CMPK2: variants seen among roughly 807,000 people sequenced by gnomAD.
CMPK2 encodes the protein cytidine/uridine monophosphate kinase 2, also known as UMP-CMP kinase 2, mitochondrial.
In CMPK2, 32 loss-of-function variants were observed where a neutral mutation model predicts 33.4. The observed-to-expected ratio is 0.96, with a 90% CI of 0.72 to 1.29. The LOEUF (loss-of-function observed/expected upper bound fraction) is 1.29. CMPK2 is among the 50% of genes most tolerant of loss of function. The probability of loss-of-function intolerance (pLI) is 0.00; values close to 1 mark genes in which losing one functional copy is unlikely to be tolerated. For synonymous variants in CMPK2, 299 were observed against 275.3 expected (o/e 1.09, Z -0.85); for missense variants, 672 against 616.0 (o/e 1.09, Z -0.96).
chr2:6,864,851 T>C (rs1572145778), intron 1 of CMPK2, among the ~76,000 whole-genome samples, 171 bp downstream of exon 1: 1 of 152,204 alleles, frequency 6.6e-6, no homozygotes, highest in African/African-American at 2.4e-5. Context: ...CAAACAAGAA[T>C]CTTAAAAGAG....
chr2:6,849,908 C>G lies in CMPK2; in HGVS notation c.1292G>C (p.Arg431Thr). 6.2e-7 allele frequency: 1 copy of G among 1,614,208 alleles called. No individual in the cohort carries two copies. Among genetic ancestry groups the G allele is most frequent in the African/African-American group, 1.3e-5 (1 of 75,058 alleles). The change falls in exon 5 of 5, where the codon AGA becomes ACA. Residue 431 changes from arginine to threonine, a missense_variant. Arg to Thr is a moderately conservative substitution (Grantham distance 71). Coordinates refer to ENST00000256722, the MANE Select transcript of CMPK2 (RefSeq NM_207315.4). Reference sequence around the variant, plus strand: ...TAATACCGTCTGCAGGACCTTTTCTCTGGAGGGGCTGGCATCAACCACATG... The same window carrying G: ...TAATACCGTCTGCAGGACCTTTTCTGTGGAGGGGCTGGCATCAACCACATG... ...GCHVVDASPS[R>T]EKVLQTVLSL...
chr2:6,864,935 G>C, intron 1 of CMPK2, 87 bp downstream of exon 1: 1 of 1,340,970 alleles, frequency 7.5e-7, no homozygotes, highest in South Asian at 2.1e-5. Context: ...GCAAGAACCG[G>C]CTCTACAGAC....
chr2:6,848,917 TAAG>T lies in CMPK2; in HGVS notation c.*930_*932del. 5 of 985,810 alleles carry T rather than the reference TAAG, an allele frequency of 5.1e-6. No homozygotes were observed. Among genetic ancestry groups the T allele is most frequent in the Non-Finnish European group, 6.0e-6 (5 of 829,850 alleles). 61.1% of individuals were successfully genotyped at this position (985,810 alleles called of 1,614,324 possible). On this transcript the variant is annotated 3_prime_UTR_variant, in exon 5 of 5. Coordinates refer to ENST00000256722, the MANE Select transcript of CMPK2 (RefSeq NM_207315.4). Reference sequence around the variant, plus strand: ...ACTGTACTTATTTAACAAGACAAATTAAGTTTGTGTAATGAAAATACACAACAA... The same window carrying T: ...ACTGTACTTATTTAACAAGACAAATTTTTGTGTAATGAAAATACACAACAA...
chr2:6,861,536 G>C, intron 2 of CMPK2, 151 bp from the exon 3 acceptor site: 1 of 661,356 alleles, frequency 1.5e-6, no homozygotes, highest in Middle Eastern at 3.6e-4. Flanking sequence ...CCCATAGGAA[G>C]TTAGGATTTC....
At chr2:6,866,059 C>G (rs944679405), upstream of CMPK2, 3 of 298,136 alleles carry the variant, frequency 1.0e-5, no homozygotes, top group Non-Finnish European at 1.8e-5. Flanking sequence ...GCTCCGTGTG[C>G]GTTCTGCGGG....
chr2:6,849,372 G>C lies in CMPK2; in HGVS notation c.*478C>G. 4.1e-6 allele frequency: 4 copies of C among 986,728 alleles called. No individual in the cohort carries two copies. Among genetic ancestry groups the C allele is most frequent in the Non-Finnish European group, 3.6e-6 (3 of 830,896 alleles). 61.1% of individuals were successfully genotyped at this position (986,728 alleles called of 1,614,324 possible). A position where few individuals can be genotyped will look rare whatever the true frequency, so the allele number is the denominator to read the frequency against. ...GGCTCTAGAATTTGGGACTGAGGGA[G>C]ATGCAGCGAGCCCATCATGACGAGT... On this transcript the variant is annotated 3_prime_UTR_variant, in exon 5 of 5. Transcript: ENST00000256722.
chr2:6,863,671 A>C (rs1662953784), intron 1 of CMPK2, 93 bp from the exon 2 acceptor site: 1 of 850,646 alleles, frequency 1.2e-6, no homozygotes, highest in Non-Finnish European at 1.9e-6. Flanking sequence ...CCGCATGCTA[A>C]TAAGGCCTAA....
In CMPK2 at chr2:6,848,760, TCA is replaced by T. The variant is rs1317973495; in HGVS notation, c.*1088_*1089del. 2.0e-6 allele frequency: 2 copies of T among 985,714 alleles called. No homozygotes were observed. The highest frequency in any genetic ancestry group is 3.5e-5 in the African/African-American group (2 of 57,236). 61.1% of individuals were successfully genotyped at this position (985,714 alleles called of 1,614,324 possible). A position where few individuals can be genotyped will look rare whatever the true frequency, so the allele number is the denominator to read the frequency against. ...ACCTGGTTCAACCTACTCCCTAAAG[TCA>T]CACAGCTCTATAATTTCCCCCTCAC... On this transcript the variant is annotated 3_prime_UTR_variant, in exon 5 of 5. Transcript: ENST00000256722.
chr2:6,841,193 A>T (rs1037480914), intron 3 of CMPK2, among the ~76,000 whole-genome samples: 4 of 152,166 alleles, frequency 2.6e-5, no homozygotes, highest in African/African-American at 9.7e-5. Flanking sequence ...TATTTCATTG[A>T]CTAATGCTTT....
intron 3 of CMPK2, among the ~76,000 whole-genome samples, chr2:6,856,065 G>A (rs1421045379): frequency 6.6e-6 from 1 of 152,156 alleles, no homozygotes; most frequent in Non-Finnish European, 1.5e-5. Flanking sequence ...GGGGAGGGGA[G>A]GAGACTCAAC....
chr2:6,842,124 C>T (rs1419825396), intron 3 of CMPK2, among the ~76,000 whole-genome samples: 1 of 152,122 alleles, frequency 6.6e-6, no homozygotes, highest in Non-Finnish European at 1.5e-5. Context: ...TATAATAGAA[C>T]TTTACTTGTA....
chr2:6,857,796 C>T (rs542720448), intron 3 of CMPK2, among the ~76,000 whole-genome samples: 141 of 151,814 alleles, frequency 9.3e-4, no homozygotes, highest in Non-Finnish European at 1.6e-3. Context: ...CCACCTCGCC[C>T]GGCTAATTTT....
At position 6,861,202 on chromosome 2, in the gene CMPK2, G is replaced by T. The variant is rs1662870285; in HGVS notation, c.974C>A (p.Ser325Tyr). 3.7e-6 allele frequency: 6 copies of T among 1,613,770 alleles called. No homozygotes were observed. Among genetic ancestry groups the T allele is most frequent in the Non-Finnish European group, 1.7e-6 (2 of 1,179,918 alleles). The change falls in exon 3 of 5, where the codon TCT becomes TAT. Residue 325 changes from serine (S) to tyrosine (Y), a missense_variant. By Grantham distance (144) the Ser-to-Tyr change is moderately radical. Transcript: ENST00000256722. The stretch of plus-strand genomic sequence containing the variant: ...TACCTACCTGTCTACAATCACAGGA[G>T]ATTTGGCAGATTCTTTAGCTATTTC... ...ASEIAKESAK[S>Y]PVIVDRYWHS...
chr2:6,863,655 A>G (rs1213531815), intron 1 of CMPK2, 77 bp from the exon 2 acceptor site: 4 of 996,170 alleles, frequency 4.0e-6, no homozygotes, highest in Middle Eastern at 2.2e-4. Flanking sequence ...GCTGAGCACA[A>G]TATTGCCGCA....
rs1572134496 is a variant in CMPK2 at position 6,851,184 on chromosome 2, T to C, written c.1226+266A>G. 5 of 1,279,772 alleles carry C rather than the reference T, an allele frequency of 3.9e-6. No individual in the cohort carries two copies. The East Asian group carries it at 2.0e-4, about 51-fold the overall frequency. 79.3% of individuals were successfully genotyped at this position (1,279,772 alleles called of 1,614,324 possible). On this transcript the variant is annotated intron_variant, in intron 4 of 4. Transcript: ENST00000256722. ...TGAGGCACAGAGACACTTACTGTCT[T>C]ACCCAGGTGCAGCTGCTCCTAGCAC...
chr2:6,861,209 C>T lies in CMPK2; in HGVS notation c.967G>A (p.Ala323Thr), dbSNP rs1179796870. The T allele has an allele frequency of 1.2e-6, 2 of 1,613,980 alleles. No individual in the cohort carries two copies. Among genetic ancestry groups the T allele is most frequent in the East Asian group, 2.2e-5 (1 of 44,876 alleles). Residue 323 changes from alanine (A) to threonine (T), a missense_variant, in exon 3 of 5, where the codon GCC (alanine) becomes ACC (threonine). Physicochemically the swap from Ala to Thr is moderately conservative, Grantham distance 58 (BLOSUM62 0). Transcript: ENST00000256722. ...CTGTCTACAATCACAGGAGATTTGG[C>T]AGATTCTTTAGCTATTTCGGAGGCC... ...IVASEIAKESAKSPVIVDRYW... is the reference protein window; with the variant it reads ...IVASEIAKESTKSPVIVDRYW...
At chr2:6,866,163 A>T (rs1663084383), upstream of CMPK2, 2 of 195,608 alleles carry the variant, frequency 1.0e-5, no homozygotes, top group Non-Finnish European at 2.2e-5. Flanking sequence ...AGGGACAGAG[A>T]AGTCCCTTCC....
At position 6,840,815 on chromosome 2, in the gene CMPK2, A is replaced by G; in HGVS notation, c.993-137T>C. ...GCTAGAACTGGGCCAGGGAGGTTAC[A>G]TGTTTAACCAATTCAGAAGTTCTCT... On this transcript the variant is annotated intron_variant, in intron 3 of 3. Transcript: ENST00000458098. 9.8e-6 allele frequency: 6 copies of G among 612,196 alleles called. No individual in the cohort carries two copies. The South Asian group carries it at 1.1e-4, about 12-fold the overall frequency. 37.9% of individuals were successfully genotyped at this position (612,196 alleles called of 1,614,324 possible).
At chr2:6,842,340 C>G (rs1265908478) in intron 3 of CMPK2, among the ~76,000 whole-genome samples, 3 of 152,212 alleles carry the variant, frequency 2.0e-5, no homozygotes, top group Admixed American at 2.0e-4. Context: ...AGGCGATTAT[C>G]TGTTAGCCAG....
Sources: allele counts gnomAD v4.1 joint callset (sites outside exome capture counted in the v4.1 genomes callset), GRCh38; gene constraint gnomAD v4.1.1; transcripts MANE v1.5; gene names NCBI Gene and HGNC (gene_info 2026-07-23, HGNC 2026-07-21).